Variants in TEX261 observed in about 807,000 individuals in gnomAD.
TEX261 encodes the protein protein TEX261.
A neutral mutation model predicts 25.1 loss-of-function variants in TEX261; 13 were observed. That is an observed-to-expected ratio of 0.52 (90% confidence interval 0.34 to 0.82). The LOEUF (loss-of-function observed/expected upper bound fraction) is 0.82, where lower values mean the gene tolerates loss of function less well. Among genes scored for constraint, TEX261 ranks in the 40% least tolerant of loss-of-function variants. The pLI is 0.02. For synonymous variants in TEX261, 92 were observed against 97.8 expected (o/e 0.94, Z 0.35); for missense variants, 206 against 243.2 (o/e 0.85, Z 1.02).
Position 70,991,912 on chromosome 2 carries a change from T to A in TEX261, c.222A>T (p.Leu74=), listed in dbSNP as rs782062392. 1.2e-6 allele frequency: 2 copies of A among 1,613,972 alleles called. No homozygotes were observed. The highest frequency in any genetic ancestry group is 8.5e-7 in the Non-Finnish European group (1 of 1,179,964). The change falls in exon 3 of 6, where the codon CTA becomes CTT. Residue 74 remains leucine (L), a synonymous_variant. Transcript: ENST00000272438. ...GGCCAAAGTAGACGAGGTTGGTGAA[T>A]AGGCCCACTCCAATCATGCTGGTGG... The part of the protein sequence containing the change: ...RFPTSMIGVG[L]FTNLVYFGLL...
At chr2:70,988,885 C>A (rs567099519) in intron 5 of TEX261, 30 bp downstream of exon 5, 3 of 1,609,374 alleles carry the variant, frequency 1.9e-6, no homozygotes, top group Admixed American at 1.7e-5. Context: ...GGCTTGCCCC[C>A]ACCTGGGCCC....
At chr2:70,992,051 C>G in intron 2 of TEX261, 68 bp from the exon 3 acceptor site, 1 of 1,463,022 alleles carries the variant, frequency 6.8e-7, no homozygotes, top group Non-Finnish European at 9.1e-7. Context: ...TCACCAACCC[C>G]CAGCCCGCTC....
intron 5 of TEX261, 24 bp from the exon 6 acceptor site, chr2:70,988,739 T>C (rs1558692445): frequency 6.4e-7 from 1 of 1,564,080 alleles, no homozygotes; most frequent in Non-Finnish European, 8.8e-7. Flanking sequence ...GGCAAGAATA[T>C]GAGAGAGAGA....
chr2:70,989,283 A>T (rs1572940985), intron 4 of TEX261: 1 of 536,046 alleles, frequency 1.9e-6, no homozygotes, highest in South Asian at 2.1e-5. Flanking sequence ...GGAGGCAGAC[A>T]AAGTGCTAAG....
At chr2:70,993,087 C>A (rs1271145916) in intron 2 of TEX261, among the ~76,000 whole-genome samples, 6 of 152,200 alleles carry the variant, frequency 3.9e-5, no homozygotes, top group African/African-American at 1.2e-4. Context: ...TGACACCAGG[C>A]GACTTGAGGG....
chr2:70,990,842 C>A (rs1217452696), intron 3 of TEX261, among the ~76,000 whole-genome samples: 1 of 152,220 alleles, frequency 6.6e-6, no homozygotes, highest in Non-Finnish European at 1.5e-5. Flanking sequence ...GGCAGGACTT[C>A]TTCCCTGGAC....
chr2:70,991,329 C>T (rs1041241391), intron 3 of TEX261, among the ~76,000 whole-genome samples: 3 of 152,190 alleles, frequency 2.0e-5, no homozygotes, highest in Non-Finnish European at 2.9e-5. Flanking sequence ...CCCGAGGCAG[C>T]GGCAGCCAGT....
chr2:70,993,721 C>T lies in TEX261; in HGVS notation c.125G>A (p.Ser42Asn). 1 of 1,613,738 alleles carries T rather than the reference C, an allele frequency of 6.2e-7. No individual in the cohort carries two copies. Among genetic ancestry groups the T allele is most frequent in the Non-Finnish European group, 8.5e-7 (1 of 1,179,992 alleles). Residue 42 changes from serine to asparagine, a missense_variant, in exon 2 of 6, where the codon AGC becomes AAC. Ser to Asn is a conservative substitution (Grantham distance 46). Transcript: ENST00000272438. ...CCAGATCATGTATTTTATGATCCTG[C>T]TGGTGGCCACTGTGTATTCTTCTAT... is the stretch of plus-strand genomic sequence containing the variant. ...ELIEEYTVAT[S>N]RIIKYMIWFS... is the part of the protein sequence containing the mutation.
At chr2:70,988,753 A>T (rs1056865778) in intron 5 of TEX261, 38 bp from the exon 6 acceptor site, 172 of 1,350,372 alleles carry the variant, frequency 1.3e-4, no homozygotes, top group Non-Finnish European at 1.6e-4. Flanking sequence ...AGAGAGAGAG[A>T]GTGTGTGTGT....
At chr2:70,993,165 C>A (rs1670336296) in intron 2 of TEX261, among the ~76,000 whole-genome samples, 1 of 152,348 alleles carries the variant, frequency 6.6e-6, no homozygotes, top group African/African-American at 2.4e-5. Context: ...GGAAGTCTGT[C>A]CACCAGCAGT....
At chr2:70,989,237 C>G (rs782716588) in intron 4 of TEX261, 30 of 590,236 alleles carry the variant, frequency 5.1e-5, no homozygotes, top group Non-Finnish European at 8.5e-5. Flanking sequence ...AACCCCATAT[C>G]TTGGTCGCTA....
At chr2:70,991,730 C>T in intron 3 of TEX261, 100 bp downstream of exon 3, 1 of 1,442,414 alleles carries the variant, frequency 6.9e-7, no homozygotes, top group Non-Finnish European at 9.4e-7. Context: ...TGGAGGACTT[C>T]AACAGCTGGC....
Position 70,993,754 on chromosome 2 carries a change from G to C in TEX261, c.92C>G (p.Ala31Gly). ...CACTGTGTATTCTTCTATCAGTTCT[G>C]CCAGGTAATAGAGTCCAGCCGCTGC... ...LAVAAGLYYL[A>G]ELIEEYTVAT... The change falls in exon 2 of 6, where the codon GCA becomes GGA. Residue 31 changes from alanine to glycine, a missense_variant. Ala to Gly is a moderately conservative substitution (Grantham distance 60). Coordinates refer to ENST00000272438, the MANE Select transcript of TEX261 (RefSeq NM_144582.3). The C allele has an allele frequency of 6.2e-7, 1 of 1,613,114 alleles. No individual in the cohort carries two copies. The highest frequency in any genetic ancestry group is 1.1e-5 in the South Asian group (1 of 91,020).
At chr2:70,994,592 G>T in intron 1 of TEX261, 96 bp downstream of exon 1, 1 of 1,508,100 alleles carries the variant, frequency 6.6e-7, no homozygotes, top group Non-Finnish European at 8.9e-7. Context: ...CCGGGCAGTG[G>T]TCCCCCGAGT....
Position 70,991,840 on chromosome 2 carries a change from G to C in TEX261, c.294C>G (p.Ile98Met). The change falls in exon 3 of 6, where the codon ATC becomes ATG. Residue 98 changes from isoleucine (I) to methionine (M), a missense_variant. Ile to Met is a conservative substitution (Grantham distance 10, BLOSUM62 1). Coordinates refer to ENST00000272438, the MANE Select transcript of TEX261 (RefSeq NM_144582.3). ...TCTGTCCCCTCTCACCACACGACAGGATGAAGTTAGGCGAGGTCAGCATGA... is the reference window on the plus strand; with the variant it reads ...TCTGTCCCCTCTCACCACACGACAGCATGAAGTTAGGCGAGGTCAGCATGA... Reference protein sequence around the residue: ...PFIMLTSPNFILSCGLVVVNH... With the variant: ...PFIMLTSPNFMLSCGLVVVNH... The C allele has an allele frequency of 6.2e-7, 1 of 1,613,466 alleles. No individual in the cohort carries two copies. The highest frequency in any genetic ancestry group is 1.1e-5 in the South Asian group (1 of 90,894).
At position 70,994,829 on chromosome 2, in the gene TEX261, G is replaced by GCCA. The variant is rs2104876512; in HGVS notation, c.-75_-73dup. The GCCA allele has an allele frequency of 7.8e-7, 1 of 1,282,722 alleles. No homozygotes were observed. Among genetic ancestry groups the GCCA allele is most frequent in the Non-Finnish European group, 9.9e-7 (1 of 1,014,896 alleles). 79.5% of individuals were successfully genotyped at this position (1,282,722 alleles called of 1,614,324 possible). On this transcript the variant is annotated 5_prime_UTR_variant, in exon 1 of 6. Coordinates refer to ENST00000272438, the MANE Select transcript of TEX261 (RefSeq NM_144582.3). The stretch of plus-strand genomic sequence containing the variant: ...GCTTCGGCTCCGGCGACACACAGCC[G>GCCA]CCACCGCCGCCGCCGCCGCCGCGTC...
At chr2:70,989,880 C>T in intron 3 of TEX261, 64 bp from the exon 4 acceptor site, 1 of 1,267,046 alleles carries the variant, frequency 7.9e-7, no homozygotes, top group Non-Finnish European at 1.2e-6. Flanking sequence ...CTTTTAACTT[C>T]AAAAGGCCCT....
At chr2:70,989,352 A>G (rs1670257683) in intron 4 of TEX261, 2 of 443,596 alleles carry the variant, frequency 4.5e-6, no homozygotes, top group African/African-American at 4.0e-5. Flanking sequence ...CAGAGGTTCA[A>G]ACTGGAGCAG....
chr2:70,988,680 G>C lies in TEX261; in HGVS notation c.511C>G (p.Arg171Gly). The change falls in exon 6 of 6, where the codon CGG becomes GGG. Residue 171 changes from arginine to glycine, a missense_variant. Physicochemically the swap from Arg to Gly is moderately radical, Grantham distance 125. Coordinates refer to ENST00000272438, the MANE Select transcript of TEX261 (RefSeq NM_144582.3). ...VVSNYFTKGK[R>G]GKRLGILVVF... ...ACCAGGATCCCTAAGCGTTTGCCCC[G>C]CTTGCCTTTGGTGAAATAATTGGAG... The C allele has an allele frequency of 1.2e-6, 2 of 1,614,178 alleles. No individual in the cohort carries two copies. The highest frequency in any genetic ancestry group is 1.7e-6 in the Non-Finnish European group (2 of 1,180,016).
Sources: gnomAD v4.1 joint callset for allele counts (sites outside exome capture counted in the v4.1 genomes callset) on GRCh38, gnomAD v4.1.1 for gene constraint, MANE v1.5 for transcripts, NCBI Gene and HGNC (gene_info 2026-07-23, HGNC 2026-07-21) for gene names.